NLRP11: variants seen among roughly 807,000 people sequenced by gnomAD.
The protein encoded by NLRP11 is NLR family pyrin domain containing 11.
Under a neutral mutation model 79.3 loss-of-function variants are expected in NLRP11, and 53 were observed. The ratio of observed to expected loss-of-function variants is 0.67; its 90% confidence interval spans 0.54 to 0.84. The LOEUF is 0.84. NLRP11 is among the 40% of genes least tolerant of loss of function. The pLI, the probability that NLRP11 is intolerant of heterozygous loss-of-function variation, is 0.00. For synonymous variants in NLRP11, 518 were observed against 462.6 expected, an observed-to-expected ratio of 1.12 and a Z score of -1.54; for missense variants, 1,264 against 1,255.0, an observed-to-expected ratio of 1.01 and a Z score of -0.11.
chr19:55,798,320 G>A, intron 5 of NLRP11: 1 of 985,164 alleles, frequency 1.0e-6, no homozygotes, highest in African/African-American at 1.7e-5. Flanking sequence ...TGGAATGAAA[G>A]TGAAAGCCGT....
chr19:55,832,606 A>G (rs972932615), upstream of NLRP11, among the ~76,000 whole-genome samples: 1 of 152,258 alleles, frequency 6.6e-6, no homozygotes, highest in African/African-American at 2.4e-5. Flanking sequence ...TGCTCTGGGT[A>G]TGACTGATAG....
chr19:55,817,458 AACACACAC>A (rs34098302), intron 2 of NLRP11, among the ~76,000 whole-genome samples: 10 of 151,094 alleles, frequency 6.6e-5, no homozygotes, highest in African/African-American at 1.7e-4. Context: ...AGAAATTATG[AACACACAC>A]ACACACACAC....
chr19:55,813,974 A>G (rs902785913), intron 2 of NLRP11, among the ~76,000 whole-genome samples: 2 of 152,212 alleles, frequency 1.3e-5, no homozygotes, highest in African/African-American at 2.4e-5. Context: ...AGGCATGTTC[A>G]GTAGACTTTA....
At chr19:55,815,722 G>C (rs1054065239) in intron 2 of NLRP11, among the ~76,000 whole-genome samples, 5 of 152,056 alleles carry the variant, frequency 3.3e-5, no homozygotes, top group South Asian at 2.1e-4. Flanking sequence ...AAGAGTTTTA[G>C]ACATAAAATT....
intron 2 of NLRP11, 50 bp downstream of exon 2, chr19:55,817,854 T>G: frequency 7.1e-7 from 1 of 1,416,018 alleles, no homozygotes; most frequent in Non-Finnish European, 9.5e-7. Flanking sequence ...ACACCCAGCT[T>G]CCTGTGAAGT....
chr19:55,835,372 G>C (rs1265876600), upstream of NLRP11, among the ~76,000 whole-genome samples: 1 of 152,256 alleles, frequency 6.6e-6, no homozygotes, highest in East Asian at 1.9e-4. Flanking sequence ...CGCCTGTTCT[G>C]CCTACGCAGA....
At chr19:55,805,424 T>C (rs1332116949) in intron 4 of NLRP11, among the ~76,000 whole-genome samples, 4 of 151,728 alleles carry the variant, frequency 2.6e-5, no homozygotes, top group Non-Finnish European at 4.4e-5. Context: ...ATGTTTTCCA[T>C]GTTGCCGTAT....
At chr19:55,796,331 G>A in intron 5 of NLRP11, 81 bp from the exon 6 acceptor site, 62 of 1,108,782 alleles carry the variant, frequency 5.6e-5, no homozygotes, top group Non-Finnish European at 7.3e-5. Context: ...AAAAAAAAGA[G>A]AGACCTAACC....
chr19:55,823,844 A>G (rs931223142), intron 1 of NLRP11, among the ~76,000 whole-genome samples: 1 of 147,172 alleles, frequency 6.8e-6, no homozygotes, highest in African/African-American at 2.6e-5. Context: ...GCTCTGCAGG[A>G]TATTATCCAG....
At chr19:55,832,741 G>T (rs534310603), upstream of NLRP11, 2 of 152,124 alleles carry the variant, frequency 1.3e-5, no homozygotes, top group Non-Finnish European at 2.9e-5. Flanking sequence ...GGAAATAAAA[G>T]AATTTCCTTC....
At chr19:55,795,908 G>A (rs1278607943) in intron 6 of NLRP11, among the ~76,000 whole-genome samples, 172 bp downstream of exon 6, 1 of 152,028 alleles carries the variant, frequency 6.6e-6, no homozygotes, top group African/African-American at 2.4e-5. Context: ...CCAACGTTTC[G>A]CAAATCAGCT....
At chr19:55,830,704 G>A (rs1982672083) in intron 1 of NLRP11, among the ~76,000 whole-genome samples, 1 of 151,050 alleles carries the variant, frequency 6.6e-6, no homozygotes. Flanking sequence ...ACACTCATCT[G>A]ACCACACTGC....
intron 8 of NLRP11, 74 bp downstream of exon 8, chr19:55,789,154 CA>C (rs1339099856): frequency 6.8e-7 from 1 of 1,466,598 alleles, no homozygotes; most frequent in African/African-American, 1.4e-5. Context: ...TTGTATTTCC[CA>C]ATCCACTTCC....
upstream of NLRP11, among the ~76,000 whole-genome samples, chr19:55,835,475 C>T (rs942322501): frequency 6.6e-6 from 1 of 151,970 alleles, no homozygotes; most frequent in Non-Finnish European, 1.5e-5. Flanking sequence ...CCGAGGCGGG[C>T]AGATCACTTG....
intron 9 of NLRP11, among the ~76,000 whole-genome samples, chr19:55,786,144 T>C (rs550967685): frequency 1.4e-4 from 21 of 152,360 alleles, no homozygotes; most frequent in Admixed American, 1.2e-3. Context: ...ATGCTTTACA[T>C]GCATCTCACA....
chr19:55,831,024 C>G (rs1982709972), intron 1 of NLRP11, among the ~76,000 whole-genome samples: 2 of 151,176 alleles, frequency 1.3e-5, no homozygotes, highest in African/African-American at 2.4e-5. Flanking sequence ...TTGTTCCAAT[C>G]CCCCCTGTAA....
chr19:55,823,179 C>G (rs538128029), intron 1 of NLRP11, among the ~76,000 whole-genome samples: 1 of 145,626 alleles, frequency 6.9e-6, no homozygotes, highest in South Asian at 2.2e-4. Context: ...GCAGGGTATT[C>G]CAACAGACCT....
intron 6 of NLRP11, among the ~76,000 whole-genome samples, chr19:55,793,554 T>TC (rs757728757): frequency 3.3e-5 from 1 of 30,624 alleles, no homozygotes; most frequent in Non-Finnish European, 5.7e-5. Context: ...GGTGACTGTC[T>TC]CCAAAAAAAA....
intron 9 of NLRP11, among the ~76,000 whole-genome samples, chr19:55,787,787 T>C (rs1989973525): frequency 6.6e-6 from 1 of 152,214 alleles, no homozygotes; most frequent in Non-Finnish European, 1.5e-5. Flanking sequence ...AGCAAGTCTT[T>C]TCAGTGTTTC....
Sources: allele counts gnomAD v4.1 joint callset (sites outside exome capture counted in the v4.1 genomes callset), GRCh38; gene constraint gnomAD v4.1.1; transcripts MANE v1.5; gene names NCBI Gene and HGNC (gene_info 2026-07-23, HGNC 2026-07-21).